The following PDZD2 variants were observed in gnomAD, a reference collection of about 807,000 sequenced individuals.
The protein encoded by PDZD2 is PDZ domain-containing protein 2.
A neutral mutation model predicts 220.7 loss-of-function variants in PDZD2; 90 were observed. The observed-to-expected ratio is 0.41, with a 90% CI of 0.34 to 0.49. The LOEUF (loss-of-function observed/expected upper bound fraction) is 0.49. PDZD2 is among the 20% of genes least tolerant of loss of function. The probability of loss-of-function intolerance (pLI) is 0.28; values close to 1 mark genes in which losing one functional copy is unlikely to be tolerated. For synonymous variants in PDZD2, 1,375 were observed against 1,450.5 expected, an observed-to-expected ratio of 0.95 and a Z score of 1.18; for missense variants, 3,174 against 3,608.5, an observed-to-expected ratio of 0.88 and a Z score of 3.08.
At chr5:31,721,665 A>T (rs1748804941) in intron 1 of PDZD2, among the ~76,000 whole-genome samples, 2 of 151,536 alleles carry the variant, frequency 1.3e-5, no homozygotes, top group South Asian at 4.2e-4. Context: ...ATGCAATTAA[A>T]TTATGCCTAA....
At chr5:31,852,091 G>C (rs1277716759) in intron 2 of PDZD2, among the ~76,000 whole-genome samples, 2 of 151,702 alleles carry the variant, frequency 1.3e-5, no homozygotes, top group East Asian at 2.0e-4. Context: ...TCCTGACCTC[G>C]TGATCCGCCT....
intron 2 of PDZD2, among the ~76,000 whole-genome samples, chr5:31,865,551 A>G (rs976785026): frequency 6.8e-6 from 1 of 147,486 alleles, no homozygotes; most frequent in Admixed American, 6.8e-5. Flanking sequence ...GGCTCAAACA[A>G]TCCTCCTGCC....
intron 1 of PDZD2, among the ~76,000 whole-genome samples, chr5:31,663,685 T>A (rs1745867994): frequency 1.3e-5 from 2 of 152,200 alleles, no homozygotes; most frequent in Admixed American, 1.3e-4. Flanking sequence ...GACTTTTTCT[T>A]TCCTCTTCCA....
intron 7 of PDZD2, among the ~76,000 whole-genome samples, chr5:32,047,891 A>G (rs1464426480): frequency 6.6e-6 from 1 of 152,246 alleles, no homozygotes; most frequent in African/African-American, 2.4e-5. Context: ...GTGTGTATTC[A>G]TTGATGTAAA....
intron 2 of PDZD2, among the ~76,000 whole-genome samples, chr5:31,875,943 A>T (rs2150329601): frequency 6.6e-6 from 1 of 152,104 alleles, no homozygotes; most frequent in South Asian, 2.1e-4. Flanking sequence ...CAGTTGTCTT[A>T]TTCTCAGTTC....
At chr5:31,943,756 C>G (rs1746406344) in intron 2 of PDZD2, among the ~76,000 whole-genome samples, 1 of 152,218 alleles carries the variant, frequency 6.6e-6, no homozygotes, top group Non-Finnish European at 1.5e-5. Flanking sequence ...GGGCACAACA[C>G]TCTCTTTATT....
At chr5:31,657,661 C>T (rs1745601954) in intron 1 of PDZD2, among the ~76,000 whole-genome samples, 1 of 152,284 alleles carries the variant, frequency 6.6e-6, no homozygotes, top group Non-Finnish European at 1.5e-5. Flanking sequence ...CCTGTTTTAA[C>T]AGCAGCCTTT....
intron 1 of PDZD2, among the ~76,000 whole-genome samples, chr5:31,714,544 G>T (rs1482318300): frequency 6.6e-6 from 1 of 152,182 alleles, no homozygotes; most frequent in South Asian, 2.1e-4. Context: ...ACCTCATACC[G>T]TCCAAGGAAA....
intron 18 of PDZD2, among the ~76,000 whole-genome samples, chr5:32,077,201 C>A (rs954416217): frequency 6.6e-6 from 1 of 152,082 alleles, no homozygotes; most frequent in Non-Finnish European, 1.5e-5. Context: ...CTCATTTAAT[C>A]GTCTTCTTTT....
chr5:31,745,639 C>A (rs549783742), intron 1 of PDZD2, among the ~76,000 whole-genome samples: 1 of 152,250 alleles, frequency 6.6e-6, no homozygotes, highest in Admixed American at 6.5e-5. Flanking sequence ...TTCCATTAGC[C>A]TTTTAGCCTT....
chr5:32,012,175 C>G (rs1004134415), intron 6 of PDZD2, among the ~76,000 whole-genome samples: 5 of 152,146 alleles, frequency 3.3e-5, no homozygotes, highest in African/African-American at 9.7e-5. Context: ...CTAGAGGGCT[C>G]ATCCCTACTG....
intron 2 of PDZD2, among the ~76,000 whole-genome samples, chr5:31,809,465 T>C (rs1050559126): frequency 1.1e-4 from 17 of 152,106 alleles, no homozygotes; most frequent in Non-Finnish European, 2.1e-4. Flanking sequence ...TCGAGTCCCT[T>C]CACACACACA....
intron 2 of PDZD2, among the ~76,000 whole-genome samples, chr5:31,845,520 G>A (rs1261426443): frequency 6.6e-6 from 1 of 152,220 alleles, no homozygotes; most frequent in Non-Finnish European, 1.5e-5. Flanking sequence ...AACAGTGGGA[G>A]GGAAGTCAGG....
intron 6 of PDZD2, among the ~76,000 whole-genome samples, chr5:32,028,500 G>A (rs1754852719): frequency 6.6e-6 from 1 of 151,846 alleles, no homozygotes; most frequent in Non-Finnish European, 1.5e-5. Context: ...ACATAATAAT[G>A]TTCAAATAAA....
chr5:31,815,268 AAAG>A (rs1755372449), intron 2 of PDZD2, among the ~76,000 whole-genome samples: 1 of 130,066 alleles, frequency 7.7e-6, no homozygotes, highest in Non-Finnish European at 1.5e-5. Flanking sequence ...AAAAAAAAAA[AAAG>A]AATAGGTGGC....
intron 1 of PDZD2, among the ~76,000 whole-genome samples, chr5:31,673,326 G>C (rs892008144): frequency 6.6e-6 from 1 of 152,198 alleles, no homozygotes; most frequent in African/African-American, 2.4e-5. Flanking sequence ...CCCATTTCAT[G>C]TTTGTATGGG....
At chr5:31,662,852 G>C (rs1035161614) in intron 1 of PDZD2, among the ~76,000 whole-genome samples, 3 of 152,130 alleles carry the variant, frequency 2.0e-5, no homozygotes, top group Admixed American at 1.3e-4. Flanking sequence ...GGATGGTCTT[G>C]ATCTCCTGAC....
intron 1 of PDZD2, among the ~76,000 whole-genome samples, chr5:31,686,362 T>A (rs2150125696): frequency 6.6e-6 from 1 of 151,558 alleles, no homozygotes; most frequent in South Asian, 2.1e-4. Flanking sequence ...ATAAAAAAAG[T>A]TTTCTTTTTT....
At position 32,098,298 on chromosome 5, in the gene PDZD2, A is replaced by C; in HGVS notation, c.7948-66A>C. ...TACTACAGATACGCAGTTAGTTACT[A>C]TCTCCCTTTTACCGGAAATCGTAAG... On this transcript the variant is annotated intron_variant, in intron 22 of 24. Transcript: ENST00000438447. This position sits in a 1 kb window ranked among gnomAD's most constrained non-coding sequence, Gnocchi z 4.1. 1 of 1,495,072 alleles carries C rather than the reference A, an allele frequency of 6.7e-7. No individual in the cohort carries two copies. The highest frequency in any genetic ancestry group is 9.2e-7 in the Non-Finnish European group (1 of 1,089,134). 92.6% of individuals were successfully genotyped at this position (1,495,072 alleles called of 1,614,324 possible). A position where few individuals can be genotyped will look rare whatever the true frequency, so the allele number is the denominator to read the frequency against.
Sources: allele counts gnomAD v4.1 joint callset (sites outside exome capture counted in the v4.1 genomes callset), GRCh38; gene constraint gnomAD v4.1.1; non-coding constraint Gnocchi (gnomAD v3.1); transcripts MANE v1.5; gene names NCBI Gene and HGNC (gene_info 2026-07-23, HGNC 2026-07-21).